PSMA1: variants seen among roughly 807,000 people sequenced by gnomAD.
The protein encoded by PSMA1 is proteasome subunit alpha type-1.
In PSMA1, 3 loss-of-function variants were observed where a neutral mutation model predicts 38.4. The ratio of observed to expected loss-of-function variants is 0.08; its 90% CI spans 0.04 to 0.20. The LOEUF is 0.20. PSMA1 is among the 10% of genes least tolerant of loss of function. The pLI is 1.00. For missense variants in PSMA1, 227 were observed against 325.3 expected (o/e 0.70, Z 2.32); for synonymous variants, 101 against 107.1 (o/e 0.94, Z 0.35).
At chr11:14,517,492 A>G (rs1468154689) in intron 4 of PSMA1, 150 bp downstream of exon 4, 2 of 663,130 alleles carry the variant, frequency 3.0e-6, no homozygotes, top group Non-Finnish European at 4.9e-6. Context: ...GGAAAATTTA[A>G]TAACAAACTC....
chr11:14,512,338 C>T (rs187301613), intron 7 of PSMA1, among the ~76,000 whole-genome samples: 125 of 151,664 alleles, frequency 8.2e-4, no homozygotes, highest in Non-Finnish European at 5.9e-5. Context: ...CGCGCCATTG[C>T]ACTCCAGCCT....
At chr11:14,620,055 CGT>C (rs965248121) in intron 1 of PSMA1, among the ~76,000 whole-genome samples, 1 of 151,648 alleles carries the variant, frequency 6.6e-6, no homozygotes, top group Admixed American at 6.6e-5. Context: ...TATAAACACT[CGT>C]GTGTGTGTGC....
intron 2 of PSMA1, among the ~76,000 whole-genome samples, chr11:14,551,640 CT>C (rs1851886854): frequency 6.6e-6 from 1 of 152,172 alleles, no homozygotes; most frequent in African/African-American, 2.4e-5. Flanking sequence ...CCCAGCTCCC[CT>C]ACCATGATGT....
At chr11:14,530,531 C>T (rs192899936) in intron 2 of PSMA1, among the ~76,000 whole-genome samples, 28 of 152,264 alleles carry the variant, frequency 1.8e-4, no homozygotes, top group Non-Finnish European at 1.5e-5. Context: ...TCAGGAGCCG[C>T]TGGAGGATAA....
At chr11:14,576,809 C>A (rs904326952) in intron 2 of PSMA1, among the ~76,000 whole-genome samples, 1 of 152,140 alleles carries the variant, frequency 6.6e-6, no homozygotes, top group Non-Finnish European at 1.5e-5. Context: ...TTTTCCAATT[C>A]TGTGAAGAAA....
In PSMA1 at chr11:14,520,321, G is replaced by C; in HGVS notation, c.-22C>G. Reference sequence around the variant, plus strand: ...CCATGGTGGCGGCGCGGGCCTGGTTGCGGCCTCCAGCAAAACTGAGAATCA... The same window carrying C: ...CCATGGTGGCGGCGCGGGCCTGGTTCCGGCCTCCAGCAAAACTGAGAATCA... On this transcript the variant is annotated 5_prime_UTR_variant, in exon 1 of 10. Transcript: ENST00000396394. 1 of 1,614,180 alleles carries C rather than the reference G, an allele frequency of 6.2e-7. No homozygotes were observed. Among genetic ancestry groups the C allele is most frequent in the South Asian group, 1.1e-5 (1 of 91,084 alleles).
intron 1 of PSMA1, among the ~76,000 whole-genome samples, chr11:14,625,935 G>C (rs1289234503): frequency 6.6e-6 from 1 of 152,130 alleles, no homozygotes; most frequent in Non-Finnish European, 1.5e-5. Flanking sequence ...AAAATGGTAG[G>C]GTATGAAGAA....
chr11:14,577,538 C>T (rs986842375), intron 2 of PSMA1, among the ~76,000 whole-genome samples: 1 of 152,198 alleles, frequency 6.6e-6, no homozygotes, highest in Non-Finnish European at 1.5e-5. Flanking sequence ...CACCCTCTGA[C>T]CAACTTCCTG....
chr11:14,626,815 T>C lies in PSMA1; in HGVS notation c.-165-15664A>G, dbSNP rs77268979. On this transcript the variant is annotated intron_variant, in intron 1 of 10. Coordinates refer to the PSMA1 transcript ENST00000418988. ...AGGACAGCTCCTGATATATGACAGA[T>C]GTAAATAGCTTAGGATAAGCAGGAA... Among the ~76,000 whole-genome samples, 122 of 152,334 alleles carry C rather than the reference T, an allele frequency of 8.0e-4. 1 individual carries two copies. Among genetic ancestry groups the C allele is most frequent in the African/African-American group, 2.5e-3 (103 of 41,578 alleles).
intron 2 of PSMA1, among the ~76,000 whole-genome samples, chr11:14,543,382 T>C (rs1209632777): frequency 6.6e-6 from 1 of 152,146 alleles, no homozygotes; most frequent in African/African-American, 2.4e-5. Flanking sequence ...AGTGGCTTCT[T>C]TTGTCTTTTG....
chr11:14,624,452 T>C (rs1362012217), intron 1 of PSMA1, among the ~76,000 whole-genome samples: 1 of 152,166 alleles, frequency 6.6e-6, no homozygotes, highest in Non-Finnish European at 1.5e-5. Flanking sequence ...TAATCAGGAC[T>C]AGCCCTATCT....
rs142471669 is a variant in PSMA1 at position 14,591,289 on chromosome 11, C to T, written c.21+19677G>A. On this transcript the variant is annotated intron_variant, in intron 2 of 10. Transcript: ENST00000418988. Reference sequence around the variant, plus strand: ...CGCTCAATTTCTCACCCAACCTTAGCTGGCTTCCCGAGGGGCAGGGCTCAG... The same window carrying T: ...CGCTCAATTTCTCACCCAACCTTAGTTGGCTTCCCGAGGGGCAGGGCTCAG... Among the ~76,000 whole-genome samples the T allele has an allele frequency of 8.1e-3, 1,233 of 152,356 alleles. 8 individuals carry two copies. The highest frequency in any genetic ancestry group is 0.02 in the Middle Eastern group (6 of 294).
chr11:14,636,001 T>C (rs994718966), intron 1 of PSMA1, among the ~76,000 whole-genome samples: 1 of 151,996 alleles, frequency 6.6e-6, no homozygotes, highest in African/African-American at 2.4e-5. Context: ...TTTAAACTTA[T>C]TTTTTTTACA....
chr11:14,577,768 A>G (rs1852235862), intron 2 of PSMA1, among the ~76,000 whole-genome samples: 1 of 152,222 alleles, frequency 6.6e-6, no homozygotes, highest in South Asian at 2.1e-4. Context: ...CAGAATTTGA[A>G]CCCAGACAGT....
intron 2 of PSMA1, among the ~76,000 whole-genome samples, chr11:14,539,933 A>G (rs981496987): frequency 2.0e-5 from 3 of 152,228 alleles, no homozygotes; most frequent in African/African-American, 7.2e-5. Flanking sequence ...TGGCTAAGAT[A>G]AAAAGGAAAC....
Position 14,595,063 on chromosome 11 carries a change from C to A in PSMA1, c.21+15903G>T, listed in dbSNP as rs138444335. On this transcript the variant is annotated intron_variant, in intron 2 of 10. Transcript: ENST00000418988. ...TGAGAATGGTTTCCAGCTTCATTCA[C>A]GTCCCTGCAAAGGACATGAACTCAT... Among the ~76,000 whole-genome samples, 500 of 152,270 alleles carry A rather than the reference C, an allele frequency of 3.3e-3. 6 individuals carry two copies. Among genetic ancestry groups the A allele is most frequent in the African/African-American group, 0.011 (467 of 41,526 alleles).
chr11:14,627,910 T>C (rs963275977), intron 1 of PSMA1, among the ~76,000 whole-genome samples: 8 of 152,186 alleles, frequency 5.3e-5, no homozygotes, highest in South Asian at 2.1e-4. Context: ...CTGATCCTCA[T>C]TGCAATTTGG....
At chr11:14,620,844 T>C (rs1418021743) in intron 1 of PSMA1, among the ~76,000 whole-genome samples, 3 of 152,210 alleles carry the variant, frequency 2.0e-5, no homozygotes, top group Admixed American at 2.0e-4. Flanking sequence ...GCTCTCATTG[T>C]GAAAATTGTT....
At chr11:14,605,808 C>T (rs1383268278) in intron 2 of PSMA1, among the ~76,000 whole-genome samples, 2 of 152,166 alleles carry the variant, frequency 1.3e-5, no homozygotes, top group Non-Finnish European at 2.9e-5. Context: ...AAAATATTCA[C>T]GTTTTCTCCC....
Sources: gnomAD v4.1 joint callset for allele counts (sites outside exome capture counted in the v4.1 genomes callset) on GRCh38, gnomAD v4.1.1 for gene constraint, MANE v1.5 for transcripts, NCBI Gene and HGNC (gene_info 2026-07-23, HGNC 2026-07-21) for gene names.